SBF2: variants seen among roughly 807,000 people sequenced by gnomAD.
The protein encoded by SBF2 is myotubularin-related protein 13.
In SBF2, 112 loss-of-function variants were observed where a neutral mutation model predicts 225.2. That is an observed-to-expected ratio of 0.50 (90% CI 0.43 to 0.58). The LOEUF is 0.58. SBF2 is among the 20% of genes least tolerant of loss of function. SBF2 has a pLI of 0.00. For synonymous variants in SBF2, 763 were observed against 773.3 expected (o/e 0.99, Z 0.22); for missense variants, 1,996 against 2,206.2 (o/e 0.90, Z 1.91).
rs565828212 is a variant in SBF2 at position 9,788,137 on chromosome 11, C to G, written c.4933-399G>C. Among the ~76,000 whole-genome samples the G allele has an allele frequency of 2.0e-5, 3 of 152,254 alleles. No individual in the cohort carries two copies. In the East Asian group the frequency reaches 5.8e-4, roughly 29 times the overall value. On this transcript the variant is annotated intron_variant, in intron 35 of 39. Coordinates refer to ENST00000256190, the MANE Select transcript of SBF2 (RefSeq NM_030962.4). ...AGAAGCCAGTCCTTGACAGGAGGAA[C>G]CCCTCAACTCTGATGATTCAAACCA...
chr11:10,191,778 T>C (rs1179474725), intron 2 of SBF2, among the ~76,000 whole-genome samples: 3 of 152,214 alleles, frequency 2.0e-5, no homozygotes, highest in Non-Finnish European at 4.4e-5. Flanking sequence ...AAAATATCTA[T>C]TTACTAAGTA....
intron 2 of SBF2, among the ~76,000 whole-genome samples, chr11:10,063,553 T>C (rs1950522671): frequency 6.6e-6 from 1 of 151,562 alleles, no homozygotes; most frequent in African/African-American, 2.4e-5. Context: ...AGAGACGGGT[T>C]TCATCATGTT....
intron 1 of SBF2, among the ~76,000 whole-genome samples, chr11:10,225,687 T>C (rs1006560494): frequency 6.6e-6 from 1 of 152,172 alleles, no homozygotes; most frequent in Admixed American, 6.5e-5. Context: ...CATTCTGTCA[T>C]GAAAGTTCTT....
At chr11:9,883,621 G>C (rs551042661) in intron 17 of SBF2, among the ~76,000 whole-genome samples, 1 of 152,218 alleles carries the variant, frequency 6.6e-6, no homozygotes, top group South Asian at 2.1e-4. Context: ...TATTTTATGA[G>C]TTATTTTTCC....
At chr11:9,944,040 G>A (rs566555017) in intron 16 of SBF2, among the ~76,000 whole-genome samples, 119 of 152,276 alleles carry the variant, frequency 7.8e-4, no homozygotes, top group African/African-American at 2.6e-3. Flanking sequence ...TAAATAAGCC[G>A]TAACTACATG....
At position 10,098,683 on chromosome 11, in the gene SBF2, ACAC is replaced by A. The variant is rs1952149572; in HGVS notation, c.142-55705_142-55703del. 4.6e-5 allele frequency among the ~76,000 whole-genome samples: 4 copies of A among 87,494 alleles called. No individual in the cohort carries two copies. The Admixed American group carries it at 4.7e-4, about 10-fold the overall frequency. The allele number at this position is 87,494 out of a possible 152,430, so 57.4% of individuals were successfully genotyped here. A position where few individuals can be genotyped will look rare whatever the true frequency, so the allele number is the denominator to read the frequency against. ...CAATCAACAAAGACAAAAAATGCAC[ACAC>A]ACACACACACACACACACACACACA... On this transcript the variant is annotated intron_variant, in intron 2 of 39. Coordinates refer to ENST00000256190, the MANE Select transcript of SBF2 (RefSeq NM_030962.4).
At chr11:10,144,850 C>A (rs1170433106) in intron 2 of SBF2, among the ~76,000 whole-genome samples, 1 of 152,210 alleles carries the variant, frequency 6.6e-6, no homozygotes, top group African/African-American at 2.4e-5. Context: ...TCTGTTACAA[C>A]CTAACATCCT....
intron 1 of SBF2, among the ~76,000 whole-genome samples, chr11:10,226,814 G>A (rs1432674426): frequency 6.6e-6 from 1 of 152,188 alleles, no homozygotes; most frequent in African/African-American, 2.4e-5. Context: ...CTTTATAGCA[G>A]CATGATTTAT....
chr11:10,071,005 G>T (rs1343194704), intron 2 of SBF2, among the ~76,000 whole-genome samples: 1 of 152,152 alleles, frequency 6.6e-6, no homozygotes, highest in Non-Finnish European at 1.5e-5. Context: ...TTTGCACACT[G>T]ATTTTGTTTC....
intron 1 of SBF2, among the ~76,000 whole-genome samples, chr11:10,224,677 T>G (rs1958470974): frequency 6.6e-6 from 1 of 152,156 alleles, no homozygotes; most frequent in African/African-American, 2.4e-5. Context: ...ACATGGCTGG[T>G]TCCTTCGAAT....
intron 2 of SBF2, among the ~76,000 whole-genome samples, chr11:10,172,997 C>T (rs1565314935): frequency 6.6e-6 from 1 of 152,134 alleles, no homozygotes. Flanking sequence ...CTTCATGGAC[C>T]CACAGGTCAT....
chr11:9,858,506 G>A (rs1199462662), intron 17 of SBF2, 110 bp from the exon 18 acceptor site: 1 of 1,145,486 alleles, frequency 8.7e-7, no homozygotes, highest in African/African-American at 1.5e-5. Flanking sequence ...TTTCTCTAAA[G>A]AATATCGTAT....
In SBF2 at chr11:10,063,776, G is replaced by A. The variant is rs897830149; in HGVS notation, c.142-20795C>T. 4.7e-5 allele frequency among the ~76,000 whole-genome samples: 7 copies of A among 149,722 alleles called. No homozygotes were observed. The East Asian group carries it at 1.4e-3, about 29-fold the overall frequency. ...ATATTCACAACAGATTAGATGCTATGGAAGAAAAGACTAGTAAACTTAAGT... is the reference window on the plus strand; with the variant it reads ...ATATTCACAACAGATTAGATGCTATAGAAGAAAAGACTAGTAAACTTAAGT... On this transcript the variant is annotated intron_variant, in intron 2 of 39. Transcript: ENST00000256190.
At chr11:9,967,748 T>C (rs1565072270) in intron 14 of SBF2, among the ~76,000 whole-genome samples, 2 of 152,064 alleles carry the variant, frequency 1.3e-5, no homozygotes, top group Non-Finnish European at 1.5e-5. Context: ...AAACTCTGTC[T>C]CTACTAAAAA....
chr11:9,959,379 C>T (rs543076641), intron 16 of SBF2: 110 of 803,496 alleles, frequency 1.4e-4, no homozygotes, highest in East Asian at 1.0e-3. Flanking sequence ...AAGGGGTGCC[C>T]GTCTGTCCCC....
chr11:9,868,097 C>G (rs769082588), intron 17 of SBF2, among the ~76,000 whole-genome samples: 6 of 152,122 alleles, frequency 3.9e-5, no homozygotes, highest in Non-Finnish European at 8.8e-5. Context: ...ATACATGTAT[C>G]AAAATATCAC....
At chr11:10,179,200 G>C (rs551838582) in intron 2 of SBF2, among the ~76,000 whole-genome samples, 9 of 151,312 alleles carry the variant, frequency 5.9e-5, no homozygotes, top group Admixed American at 1.3e-4. Flanking sequence ...GTTGTATGGT[G>C]GGGGGAGGCG....
chr11:10,017,347 C>A (rs967357734), intron 6 of SBF2, among the ~76,000 whole-genome samples: 5 of 152,140 alleles, frequency 3.3e-5, no homozygotes, highest in African/African-American at 1.2e-4. Flanking sequence ...AAGCCCTGCA[C>A]AATTTATTAT....
chr11:10,298,974 G>A (rs1964572390), upstream of SBF2, among the ~76,000 whole-genome samples: 1 of 152,264 alleles, frequency 6.6e-6, no homozygotes, highest in East Asian at 1.9e-4. Flanking sequence ...AATTAAATTT[G>A]TATAGCAAAC....
Sources: allele counts gnomAD v4.1 joint callset (sites outside exome capture counted in the v4.1 genomes callset), GRCh38; gene constraint gnomAD v4.1.1; transcripts MANE v1.5; gene names NCBI Gene and HGNC (gene_info 2026-07-23, HGNC 2026-07-21).